The following CNTN5 variants were observed in gnomAD, a reference collection of about 807,000 sequenced individuals.
CNTN5 encodes the protein contactin-5.
In CNTN5, 77 loss-of-function variants were observed where a neutral mutation model predicts 129.1. The ratio of observed to expected loss-of-function variants is 0.60; its 90% CI spans 0.50 to 0.72. The LOEUF (loss-of-function observed/expected upper bound fraction) is 0.72. Among genes scored for constraint, CNTN5 ranks in the 30% least tolerant of loss-of-function variants. The pLI is 0.00. For synonymous variants in CNTN5, 509 were observed against 465.6 expected, an observed-to-expected ratio of 1.09 and a Z score of -1.20; for missense variants, 1,478 against 1,328.8, an observed-to-expected ratio of 1.11 and a Z score of -1.75.
chr11:100,285,999 G>A lies in CNTN5; in HGVS notation c.2315-11626G>A, dbSNP rs549334899. ...CGAGTCAAAGAAAGGGGTGACAGAC[G>A]CACCTGGAAAATCGGGTCACTCCCA... On this transcript the variant is annotated intron_variant, in intron 18 of 24. Transcript: ENST00000524871. Among the ~76,000 whole-genome samples the A allele has an allele frequency of 4.0e-5, 6 of 151,542 alleles. No homozygotes were observed. The East Asian group carries it at 7.7e-4, about 20-fold the overall frequency.
chr11:99,956,574 G>T (rs1412955059), intron 7 of CNTN5, among the ~76,000 whole-genome samples: 1 of 152,100 alleles, frequency 6.6e-6, no homozygotes, highest in South Asian at 2.1e-4. Context: ...CATTGGAATT[G>T]AAAGAATAAA....
chr11:100,351,825 G>A (rs1029490551), intron 24 of CNTN5, among the ~76,000 whole-genome samples: 2 of 151,440 alleles, frequency 1.3e-5, no homozygotes, highest in African/African-American at 4.8e-5. Context: ...CTACAGGGAA[G>A]TGTCCCGTCA....
At chr11:99,696,875 T>C (rs1954293081) in intron 3 of CNTN5, among the ~76,000 whole-genome samples, 1 of 151,944 alleles carries the variant, frequency 6.6e-6, no homozygotes, top group Non-Finnish European at 1.5e-5. Context: ...CCAAGTAATA[T>C]CAAGGTTTCT....
chr11:99,479,368 A>G (rs1945502538), intron 2 of CNTN5, among the ~76,000 whole-genome samples: 1 of 152,042 alleles, frequency 6.6e-6, no homozygotes, highest in Non-Finnish European at 1.5e-5. Context: ...GCAGCATAAA[A>G]GTCATTTAAT....
At chr11:99,965,010 C>T (rs1301955234) in intron 8 of CNTN5, among the ~76,000 whole-genome samples, 1 of 151,958 alleles carries the variant, frequency 6.6e-6, no homozygotes, top group African/African-American at 2.4e-5. Flanking sequence ...GGTGATATCC[C>T]CTTTATCATT....
At chr11:99,678,030 C>T (rs1348059674) in intron 3 of CNTN5, among the ~76,000 whole-genome samples, 2 of 152,104 alleles carry the variant, frequency 1.3e-5, no homozygotes. Context: ...ACTCACAGCC[C>T]TTTGTCTTTA....
intron 1 of CNTN5, among the ~76,000 whole-genome samples, chr11:99,129,509 G>A (rs1858823494): frequency 6.6e-6 from 1 of 152,114 alleles, no homozygotes; most frequent in East Asian, 1.9e-4. Flanking sequence ...AAAGAGACAG[G>A]GAGAATGGAA....
chr11:100,101,172 C>T (rs1229220415), intron 13 of CNTN5, among the ~76,000 whole-genome samples: 1 of 152,072 alleles, frequency 6.6e-6, no homozygotes, highest in African/African-American at 2.4e-5. Context: ...TTTGCATCAA[C>T]TTGATGATTG....
chr11:100,114,580 T>A (rs1347379131), intron 13 of CNTN5, among the ~76,000 whole-genome samples: 1 of 152,138 alleles, frequency 6.6e-6, no homozygotes, highest in African/African-American at 2.4e-5. Context: ...AAATGCTTAG[T>A]GTAGTGTGTT....
In CNTN5 at chr11:100,089,930, C is replaced by T. The variant is rs147193347; in HGVS notation, c.1580+15636C>T. Among the ~76,000 whole-genome samples the T allele has an allele frequency of 3.9e-5, 6 of 152,186 alleles. No homozygotes were observed. In the East Asian group the frequency reaches 1.2e-3, roughly 29 times the overall value. ...GGAGGGAGAGAATTGGGAAAAGTAG[C>T]TAATGCATGCTGGGTTTAATACCTA... On this transcript the variant is annotated intron_variant, in intron 13 of 24. Coordinates refer to ENST00000524871, the MANE Select transcript of CNTN5 (RefSeq NM_014361.4).
intron 3 of CNTN5, among the ~76,000 whole-genome samples, chr11:99,667,454 T>C (rs956294173): frequency 3.9e-5 from 6 of 152,164 alleles, no homozygotes; most frequent in Non-Finnish European, 8.8e-5. Flanking sequence ...TGGCTAATGT[T>C]GATAGTAAAG....
intron 23 of CNTN5, among the ~76,000 whole-genome samples, chr11:100,350,112 T>A (rs920359665): frequency 6.6e-6 from 1 of 151,930 alleles, no homozygotes; most frequent in African/African-American, 2.4e-5. Flanking sequence ...AAGCAAAAAT[T>A]AAAAAAATAA....
At chr11:100,045,158 A>T (rs1014089957) in intron 9 of CNTN5, among the ~76,000 whole-genome samples, 2 of 151,676 alleles carry the variant, frequency 1.3e-5, no homozygotes, top group African/African-American at 4.8e-5. Context: ...TCTCTAGGTG[A>T]TTGTACAAGA....
chr11:99,133,281 A>G (rs1859038005), intron 1 of CNTN5, among the ~76,000 whole-genome samples: 1 of 152,168 alleles, frequency 6.6e-6, no homozygotes, highest in Non-Finnish European at 1.5e-5. Flanking sequence ...ACTTAAATGT[A>G]AAACCAAAGC....
intron 1 of CNTN5, among the ~76,000 whole-genome samples, chr11:99,206,864 G>A (rs113810895): frequency 0.031 from 4,768 of 151,984 alleles, 119 homozygotes; most frequent in Admixed American, 0.042. Context: ...GTTTACTTCC[G>A]TATGTGACAA....
chr11:99,782,851 G>C (rs994970141), intron 3 of CNTN5, among the ~76,000 whole-genome samples: 1 of 151,690 alleles, frequency 6.6e-6, no homozygotes, highest in Non-Finnish European at 1.5e-5. Flanking sequence ...AGACTTAAAC[G>C]TTAGACCTAA....
intron 1 of CNTN5, among the ~76,000 whole-genome samples, chr11:99,322,630 A>G (rs1865618801): frequency 6.6e-6 from 1 of 152,124 alleles, no homozygotes; most frequent in Admixed American, 6.6e-5. Context: ...TTTCTGGTCA[A>G]TAACACATTA....
At chr11:99,267,416 C>T (rs192166971) in intron 1 of CNTN5, among the ~76,000 whole-genome samples, 368 of 151,856 alleles carry the variant, frequency 2.4e-3, no homozygotes, top group Middle Eastern at 0.01. Context: ...ATCTTTCTAA[C>T]GCTTATATTT....
rs562698262 is a variant in CNTN5, at chr11:99,232,299, A to G, written c.-209-93047A>G. ...ACCCATGAGTGTGGAATGTTTTTTC[A>G]TTTGTTTCTTTCCTCTCTTATTTCC... is the stretch of plus-strand genomic sequence containing the variant. On this transcript the variant is annotated intron_variant, in intron 1 of 24. Transcript: ENST00000524871. Among the ~76,000 whole-genome samples the G allele has an allele frequency of 5.9e-5, 9 of 151,948 alleles. No individual in the cohort carries two copies. The East Asian group carries it at 1.7e-3, about 29-fold the overall frequency.
Sources: allele counts gnomAD v4.1 joint callset (sites outside exome capture counted in the v4.1 genomes callset), GRCh38; gene constraint gnomAD v4.1.1; transcripts MANE v1.5; gene names NCBI Gene and HGNC (gene_info 2026-07-23, HGNC 2026-07-21).